NFATC4: variants seen among roughly 807,000 people sequenced by gnomAD.
NFATC4 encodes nuclear factor of activated T cells 4, also known as nuclear factor of activated T-cells, cytoplasmic 4.
Under a neutral mutation model 73.4 loss-of-function variants are expected in NFATC4, and 25 were observed. The ratio of observed to expected loss-of-function variants is 0.34; its 90% confidence interval spans 0.25 to 0.48. The LOEUF is 0.48. Among genes scored for constraint, NFATC4 ranks in the 20% least tolerant of loss-of-function variants. The pLI is 0.99. For missense variants in NFATC4, 1,130 were observed against 1,203.7 expected (o/e 0.94, Z 0.91); for synonymous variants, 523 against 510.3 (o/e 1.02, Z -0.34).
chr14:24,373,673 G>A lies in NFATC4; in HGVS notation c.1560-22G>A, dbSNP rs371593262. On this transcript the variant is annotated intron_variant, in intron 4 of 9. Transcript: ENST00000250373. This position sits in a 1 kb window ranked among gnomAD's most constrained non-coding sequence, Gnocchi z 4.7. ...ATTTTGGCTTCAGCTAGGAGGGCTT[G>A]CCATCCATCCTTTGCCTCCAGCATT... 6.3e-7 allele frequency: 1 copy of A among 1,588,658 alleles called. No homozygotes were observed. The highest frequency in any genetic ancestry group is 1.3e-5 in the African/African-American group (1 of 74,576).
chr14:24,376,673 G>C lies in NFATC4; in HGVS notation c.2436G>C (p.Arg812=), dbSNP rs2139312866. 1 of 1,613,446 alleles carries C rather than the reference G, an allele frequency of 6.2e-7. No individual in the cohort carries two copies. The highest frequency in any genetic ancestry group is 8.5e-7 in the Non-Finnish European group (1 of 1,179,838). Reference sequence around the variant, plus strand: ...CATTCTCTCCGCCAGCCCCCTTTCGGCCGCCTCCTCTTCCTGCATCCCCAC... The same window carrying C: ...CATTCTCTCCGCCAGCCCCCTTTCGCCCGCCTCCTCTTCCTGCATCCCCAC... The part of the protein sequence containing the change: ...GLPFSPPAPF[R]PPPLPASPPL... The change falls in exon 9 of 10, where the codon CGG becomes CGC. Residue 812 remains arginine (R), a synonymous_variant. Transcript: ENST00000250373. This position sits in a 1 kb window ranked among gnomAD's most constrained non-coding sequence, Gnocchi z 5.0.
In NFATC4 at chr14:24,377,665, G is replaced by A. The variant is rs372832506; in HGVS notation, c.2669G>A (p.Ser890Asn). Residue 890 changes from serine to asparagine, a missense_variant, in exon 10 of 10, where the codon AGT becomes AAT. Physicochemically the swap from Ser to Asn is conservative, Grantham distance 46. Coordinates refer to ENST00000250373, the MANE Select transcript of NFATC4 (RefSeq NM_004554.5). The surrounding 1 kb of genome is among the most constrained non-coding windows in gnomAD (Gnocchi z 4.2). ...AGTGAGATCATTGGCCGAGACCTGA[G>A]TGGCTTCCCTGCACCTCCTGGAGAA... ...EVSEIIGRDL[S>N]GFPAPPGEEP... 9 of 1,614,200 alleles carry A rather than the reference G, an allele frequency of 5.6e-6. No individual in the cohort carries two copies. Among genetic ancestry groups the A allele is most frequent in the East Asian group, 2.2e-5 (1 of 44,890 alleles).
Position 24,373,447 on chromosome 14 carries a change from C to T in NFATC4, c.1559+77C>T, listed in dbSNP as rs1444900672. ...CCACTGGGCCTATGCTAGCCCACTTCTTCCTTTTCCCAGAAGAGGTAGACA... is the reference window on the plus strand; with the variant it reads ...CCACTGGGCCTATGCTAGCCCACTTTTTCCTTTTCCCAGAAGAGGTAGACA... On this transcript the variant is annotated intron_variant, in intron 4 of 9. Coordinates refer to ENST00000250373, the MANE Select transcript of NFATC4 (RefSeq NM_004554.5). This position sits in a 1 kb window ranked among gnomAD's most constrained non-coding sequence, Gnocchi z 4.7. The T allele has an allele frequency of 1.3e-6, 2 of 1,524,704 alleles. No individual in the cohort carries two copies. The highest frequency in any genetic ancestry group is 1.8e-6 in the Non-Finnish European group (2 of 1,113,966). The allele number at this position is 1,524,704 out of a possible 1,614,324, so 94.4% of individuals were successfully genotyped here.
intron 1 of NFATC4, chr14:24,368,864 C>T (rs1485182915): frequency 5.3e-6 from 1 of 190,126 alleles, no homozygotes; most frequent in Non-Finnish European, 1.0e-5. Flanking sequence ...CCCTCCCCCT[C>T]CCCCGTCTGG....
upstream of NFATC4, chr14:24,367,480 C>T (rs945895371): frequency 8.5e-6 from 13 of 1,535,432 alleles, no homozygotes; most frequent in Admixed American, 2.0e-5. Flanking sequence ...CTACGCCCAT[C>T]AAGGGCTGTG....
At position 24,368,453 on chromosome 14, in the gene NFATC4, C is replaced by G. The variant is rs1248096683; in HGVS notation, c.100+13C>G. The stretch of plus-strand genomic sequence containing the variant: ...GGATTGGGGGAAGGTTAGTGCTGGG[C>G]TGGGAAGGGGTCTTGGGGTCAGTGA... On this transcript the variant is annotated intron_variant, in intron 1 of 9. Coordinates refer to ENST00000250373, the MANE Select transcript of NFATC4 (RefSeq NM_004554.5). 20 of 1,295,170 alleles carry G rather than the reference C, an allele frequency of 1.5e-5. No homozygotes were observed. Among genetic ancestry groups the G allele is most frequent in the Non-Finnish European group, 1.9e-5 (19 of 1,017,526 alleles). 80.2% of individuals were successfully genotyped at this position (1,295,170 alleles called of 1,614,324 possible).
upstream of NFATC4, chr14:24,367,468 A>T: frequency 6.5e-7 from 1 of 1,535,658 alleles, no homozygotes; most frequent in Non-Finnish European, 8.7e-7. Flanking sequence ...CCTGGCCTGG[A>T]TCTACGCCCA....
chr14:24,374,230 G>C, intron 5 of NFATC4, 96 bp from the exon 6 acceptor site: 1 of 1,463,896 alleles, frequency 6.8e-7, no homozygotes, highest in South Asian at 1.3e-5. Flanking sequence ...GGCTCCCTCA[G>C]AGCCCTGTGG....
At chr14:24,367,213 A>C (rs747666521), upstream of NFATC4, 8 of 1,609,484 alleles carry the variant, frequency 5.0e-6, no homozygotes, top group African/African-American at 9.4e-5. Context: ...CCTCCAGCCC[A>C]GGTGACAGGT....
upstream of NFATC4, among the ~76,000 whole-genome samples, chr14:24,367,824 T>A (rs2042346645): frequency 6.6e-6 from 1 of 152,138 alleles, no homozygotes; most frequent in Non-Finnish European, 1.5e-5. Context: ...TTCCGTGGGC[T>A]CTCTACCCTG....
upstream of NFATC4, chr14:24,367,172 C>G (rs1392009770): frequency 1.2e-6 from 2 of 1,613,954 alleles, no homozygotes; most frequent in Non-Finnish European, 8.5e-7. Context: ...GCCTGACTTT[C>G]CCGGAAACTC....
intron 6 of NFATC4, among the ~76,000 whole-genome samples, chr14:24,374,868 G>C (rs1023414243): frequency 2.6e-5 from 4 of 152,156 alleles, no homozygotes; most frequent in African/African-American, 9.7e-5. Context: ...TACAGGAGTG[G>C]AGGAAGGGAA....
Position 24,377,909 on chromosome 14 carries a change from G to T in NFATC4, c.*204G>T. On this transcript the variant is annotated 3_prime_UTR_variant, in exon 10 of 10. Coordinates refer to ENST00000250373, the MANE Select transcript of NFATC4 (RefSeq NM_004554.5). The surrounding 1 kb of genome is among the most constrained non-coding windows in gnomAD (Gnocchi z 4.2). The stretch of plus-strand genomic sequence containing the variant: ...CTGGTGCTGCCTTGGAGGGCTGGGG[G>T]AAGGAGTGTGTGGAGGAGGGAGGAG... 9.3e-7 allele frequency: 1 copy of T among 1,077,106 alleles called. No homozygotes were observed. The highest frequency in any genetic ancestry group is 1.3e-6 in the Non-Finnish European group (1 of 769,956). The allele number at this position is 1,077,106 out of a possible 1,614,324, so 66.7% of individuals were successfully genotyped here. A position where few individuals can be genotyped will look rare whatever the true frequency, so the allele number is the denominator to read the frequency against.
chr14:24,368,551 G>C, intron 1 of NFATC4, 111 bp downstream of exon 1: 2 of 1,134,878 alleles, frequency 1.8e-6, no homozygotes, highest in Non-Finnish European at 1.1e-6. Context: ...GGGAGTCAGA[G>C]GTCGAAGGGA....
chr14:24,368,218 C>A lies in NFATC4; in HGVS notation c.-123C>A. 1 of 1,298,562 alleles carries A rather than the reference C, an allele frequency of 7.7e-7. No individual in the cohort carries two copies. Among genetic ancestry groups the A allele is most frequent in the South Asian group, 2.6e-5 (1 of 38,396 alleles). The allele number at this position is 1,298,562 out of a possible 1,614,324, so 80.4% of individuals were successfully genotyped here. ...CGAGGGGGCTTCTGGAGGGAGGCGG[C>A]AGCGACGGAGGAGGGGGCTTCTCAG... On this transcript the variant is annotated 5_prime_UTR_variant, in exon 1 of 10. Transcript: ENST00000250373.
At chr14:24,367,688 C>G (rs185408702), upstream of NFATC4, 366 of 1,532,540 alleles carry the variant, frequency 2.4e-4, 2 homozygotes, top group African/African-American at 4.6e-3. Flanking sequence ...TTTCCTCTTC[C>G]GAGCAACTCG....
chr14:24,369,392 G>T (rs760601328), intron 1 of NFATC4, 107 bp from the exon 2 acceptor site: 25 of 1,602,696 alleles, frequency 1.6e-5, no homozygotes, highest in Non-Finnish European at 2.0e-5. Flanking sequence ...TTTGCTGAGG[G>T]GCAGGGAGCA....
intron 2 of NFATC4, 109 bp from the exon 3 acceptor site, chr14:24,372,332 T>G: frequency 8.5e-7 from 1 of 1,182,592 alleles, no homozygotes; most frequent in Non-Finnish European, 1.2e-6. Context: ...TTATTTCTTC[T>G]GTGCTTTCCT....
upstream of NFATC4, chr14:24,367,379 C>T: frequency 1.3e-6 from 2 of 1,535,850 alleles, no homozygotes; most frequent in East Asian, 4.9e-5. Flanking sequence ...GACTACAGTT[C>T]TAGGGAGGAG....
Sources: allele counts gnomAD v4.1 joint callset (sites outside exome capture counted in the v4.1 genomes callset), GRCh38; gene constraint gnomAD v4.1.1; non-coding constraint Gnocchi (gnomAD v3.1); transcripts MANE v1.5; gene names NCBI Gene and HGNC (gene_info 2026-07-23, HGNC 2026-07-21).